The following RFTN2 variants were observed in gnomAD, a reference collection of about 807,000 sequenced individuals.
RFTN2 encodes the protein raftlin family member 2, also known as raftlin-2.
In RFTN2, 34 loss-of-function variants were observed where a neutral mutation model predicts 52.7. The observed-to-expected ratio is 0.64, with a 90% CI of 0.49 to 0.86. RFTN2 has a LOEUF of 0.86. Ranked by LOEUF, RFTN2 falls within the 40% of genes least tolerant of loss-of-function variation. RFTN2 has a pLI of 0.00. For missense variants in RFTN2, 536 were observed against 600.1 expected (o/e 0.89, Z 1.12); for synonymous variants, 203 against 217.7 (o/e 0.93, Z 0.59).
At chr2:197,585,151 T>C (rs2087575572) in intron 8 of RFTN2, among the ~76,000 whole-genome samples, 1 of 152,202 alleles carries the variant, frequency 6.6e-6, no homozygotes, top group Admixed American at 6.5e-5. Flanking sequence ...TCACTTGCAT[T>C]TCTGAAGAAC....
At chr2:197,618,948 G>A (rs1483465857) in intron 5 of RFTN2, among the ~76,000 whole-genome samples, 1 of 151,954 alleles carries the variant, frequency 6.6e-6, no homozygotes, top group African/African-American at 2.4e-5. Flanking sequence ...TCGTCCGGGA[G>A]GGAGGTGGGG....
At chr2:197,658,010 G>A (rs1421134442) in intron 1 of RFTN2, among the ~76,000 whole-genome samples, 2 of 152,026 alleles carry the variant, frequency 1.3e-5, no homozygotes, top group East Asian at 3.9e-4. Flanking sequence ...ATAGAGTCAG[G>A]AATTTTCATC....
intron 8 of RFTN2, among the ~76,000 whole-genome samples, chr2:197,586,655 C>T (rs1415122940): frequency 6.6e-6 from 1 of 152,134 alleles, no homozygotes; most frequent in African/African-American, 2.4e-5. Flanking sequence ...TTTCTGCGTC[C>T]ACTAATGTTC....
At chr2:197,622,303 A>ATTAT (rs1306144198) in intron 5 of RFTN2, among the ~76,000 whole-genome samples, 2 of 152,050 alleles carry the variant, frequency 1.3e-5, no homozygotes, top group East Asian at 3.8e-4. Context: ...ATTTTTATTT[A>ATTAT]TTATTTATTT....
At chr2:197,610,002 C>T (rs1156823225) in intron 7 of RFTN2, among the ~76,000 whole-genome samples, 27 of 152,158 alleles carry the variant, frequency 1.8e-4, no homozygotes, top group Non-Finnish European at 4.4e-5. Context: ...CAGTACCATG[C>T]TGTTTTGGTT....
intron 7 of RFTN2, among the ~76,000 whole-genome samples, chr2:197,610,379 T>C (rs1022869937): frequency 2.6e-5 from 4 of 152,238 alleles, no homozygotes; most frequent in African/African-American, 9.6e-5. Context: ...TTTGTAGCAA[T>C]TGTGAATGGG....
intron 5 of RFTN2, among the ~76,000 whole-genome samples, chr2:197,619,453 G>A (rs1230981354): frequency 3.3e-5 from 5 of 152,118 alleles, no homozygotes; most frequent in Non-Finnish European, 7.4e-5. Context: ...CCCCAACCCT[G>A]TGCTCTCTGA....
At chr2:197,668,563 C>T (rs536557493) in intron 1 of RFTN2, among the ~76,000 whole-genome samples, 3 of 152,314 alleles carry the variant, frequency 2.0e-5, no homozygotes, top group Admixed American at 1.3e-4. Flanking sequence ...AGGCATGTAC[C>T]TGCACCTGGC....
chr2:197,621,984 C>T (rs943994350), intron 5 of RFTN2, among the ~76,000 whole-genome samples: 3 of 152,112 alleles, frequency 2.0e-5, no homozygotes, highest in Non-Finnish European at 4.4e-5. Context: ...ACAGACTTCT[C>T]GATGATGGAG....
chr2:197,603,743 C>T (rs759226195), intron 7 of RFTN2, among the ~76,000 whole-genome samples: 3 of 152,012 alleles, frequency 2.0e-5, no homozygotes, highest in African/African-American at 7.3e-5. Context: ...GGTGAAACTC[C>T]GTCTCTACTA....
intron 7 of RFTN2, among the ~76,000 whole-genome samples, chr2:197,598,644 C>G (rs2087828344): frequency 6.6e-6 from 1 of 152,306 alleles, no homozygotes; most frequent in East Asian, 1.9e-4. Context: ...CTTTACCGTG[C>G]ATTCCAAACA....
intron 7 of RFTN2, among the ~76,000 whole-genome samples, chr2:197,606,995 A>T (rs1271575081): frequency 6.6e-6 from 1 of 152,238 alleles, no homozygotes; most frequent in African/African-American, 2.4e-5. Context: ...TACCCAAAGG[A>T]TTATAAATCA....
At chr2:197,580,498 C>A (rs2087488218) in intron 8 of RFTN2, among the ~76,000 whole-genome samples, 1 of 152,230 alleles carries the variant, frequency 6.6e-6, no homozygotes, top group Non-Finnish European at 1.5e-5. Context: ...CTGTCCAAGT[C>A]ACCTGGCAGC....
At chr2:197,584,046 T>G (rs553440070) in intron 8 of RFTN2, among the ~76,000 whole-genome samples, 1 of 152,322 alleles carries the variant, frequency 6.6e-6, no homozygotes, top group Admixed American at 6.5e-5. Context: ...TTCGGGTTGG[T>G]TCCACATCTT....
chr2:197,602,767 T>G lies in RFTN2; in HGVS notation c.1155-6698A>C, dbSNP rs568644598. Among the ~76,000 whole-genome samples the G allele has an allele frequency of 3.3e-4, 51 of 152,316 alleles. No homozygotes were observed. The South Asian group carries it at 0.01, about 30-fold the overall frequency. On this transcript the variant is annotated intron_variant, in intron 7 of 8. Transcript: ENST00000295049. ...TAAATCATGCTGCTATAAAGACACA[T>G]GCACACGTATGTTTATCGCGGCACT...
At chr2:197,604,931 TTG>T (rs2087935462) in intron 7 of RFTN2, among the ~76,000 whole-genome samples, 1 of 151,924 alleles carries the variant, frequency 6.6e-6, no homozygotes. Flanking sequence ...CGGCTAATTT[TTG>T]TATTTTTAGT....
chr2:197,584,313 G>C (rs757400346), intron 8 of RFTN2, among the ~76,000 whole-genome samples: 4 of 152,068 alleles, frequency 2.6e-5, no homozygotes, highest in African/African-American at 9.7e-5. Flanking sequence ...TTTAATGATC[G>C]CCATTCTAAC....
chr2:197,582,879 A>C (rs762504888), intron 8 of RFTN2, among the ~76,000 whole-genome samples: 2 of 152,256 alleles, frequency 1.3e-5, no homozygotes, highest in East Asian at 1.9e-4. Flanking sequence ...GTAGTTAAAG[A>C]AGCAGCTAGT....
chr2:197,633,878 C>A lies in RFTN2; in HGVS notation c.558G>T (p.Val186=). Reference sequence around the variant, plus strand: ...TACAGTTTTCATCTGAACCGTGTCTCACATGTAGCATCGATTCTATATCTC... The same window carrying A: ...TACAGTTTTCATCTGAACCGTGTCTAACATGTAGCATCGATTCTATATCTC... ...HDGDIESMLH[V]RHGSDENCRS... is the part of the protein sequence containing the mutation. Residue 186 remains valine (V), a synonymous_variant, in exon 4 of 9, where the codon GTG becomes GTT. Coordinates refer to ENST00000295049, the MANE Select transcript of RFTN2 (RefSeq NM_144629.3). 1 of 1,613,952 alleles carries A rather than the reference C, an allele frequency of 6.2e-7. No individual in the cohort carries two copies. The highest frequency in any genetic ancestry group is 1.7e-5 in the Admixed American group (1 of 59,998).
Sources: gnomAD v4.1 joint callset for allele counts (sites outside exome capture counted in the v4.1 genomes callset) on GRCh38, gnomAD v4.1.1 for gene constraint, MANE v1.5 for transcripts, NCBI Gene and HGNC (gene_info 2026-07-23, HGNC 2026-07-21) for gene names.